Variants in LRP1B observed in about 807,000 individuals in gnomAD.
LRP1B encodes LDL receptor related protein 1B, also known as low-density lipoprotein receptor-related protein 1B.
A neutral mutation model predicts 556.6 loss-of-function variants in LRP1B; 217 were observed. The observed-to-expected ratio is 0.39, with a 90% CI of 0.35 to 0.44. The LOEUF (loss-of-function observed/expected upper bound fraction) is 0.44. LRP1B is among the 20% of genes least tolerant of loss of function. The pLI, the probability that LRP1B is intolerant of heterozygous loss-of-function variation, is 1.00. For synonymous variants in LRP1B, 2,047 were observed against 1,865.8 expected, an observed-to-expected ratio of 1.10 and a Z score of -2.50; for missense variants, 5,053 against 5,620.8, an observed-to-expected ratio of 0.90 and a Z score of 3.23.
chr2:142,083,426 A>G (rs1705794718), intron 1 of LRP1B, among the ~76,000 whole-genome samples: 1 of 152,196 alleles, frequency 6.6e-6, no homozygotes, highest in Non-Finnish European at 1.5e-5. Context: ...AATCAGAAAG[A>G]GGTATCTTCT....
intron 7 of LRP1B, among the ~76,000 whole-genome samples, chr2:141,173,487 C>A (rs1466836599): frequency 6.6e-6 from 1 of 152,090 alleles, no homozygotes; most frequent in Non-Finnish European, 1.5e-5. Context: ...ATTAATCCAA[C>A]CCATGCTACA....
Position 140,601,538 on chromosome 2 carries a change from T to C in LRP1B, c.6901A>G (p.Thr2301Ala). 2 of 1,613,224 alleles carry C rather than the reference T, an allele frequency of 1.2e-6. No homozygotes were observed. Among genetic ancestry groups the C allele is most frequent in the Non-Finnish European group, 1.7e-6 (2 of 1,179,486 alleles). The change falls in exon 42 of 91, where the codon ACT becomes GCT. Residue 2301 changes from threonine (T) to alanine (A), a missense_variant. Coordinates refer to ENST00000389484, the MANE Select transcript of LRP1B (RefSeq NM_018557.3). ...TCCCTGTCAAATGCTCCAGGCCGAG[T>C]CTGGTCCACAGTGTGTCTGGTGATG... is the stretch of plus-strand genomic sequence containing the variant. The part of the protein sequence containing the change: ...SSITRHTVDQ[T>A]RPGAFDREAV...
chr2:140,923,274 G>T (rs139184806), intron 20 of LRP1B, 127 bp from the exon 21 acceptor site: 205 of 634,726 alleles, frequency 3.2e-4, no homozygotes, highest in Non-Finnish European at 4.7e-4. Context: ...ATGCTAGAGA[G>T]AATACATTTT....
At chr2:140,314,673 T>G (rs1684443870) in intron 83 of LRP1B, among the ~76,000 whole-genome samples, 1 of 152,150 alleles carries the variant, frequency 6.6e-6, no homozygotes, top group Non-Finnish European at 1.5e-5. Flanking sequence ...CTAATCATTC[T>G]GAGCCAGGGG....
At chr2:140,604,230 A>C (rs1290742438) in intron 41 of LRP1B, among the ~76,000 whole-genome samples, 1 of 30,568 alleles carries the variant, frequency 3.3e-5, no homozygotes. Flanking sequence ...CTTGCCAAGA[A>C]AAAAAAAAAA....
At chr2:140,558,220 T>G (rs945018164) in intron 43 of LRP1B, among the ~76,000 whole-genome samples, 2 of 152,116 alleles carry the variant, frequency 1.3e-5, no homozygotes, top group African/African-American at 4.8e-5. Flanking sequence ...CCTCAAATGG[T>G]TAAACATAGT....
intron 2 of LRP1B, among the ~76,000 whole-genome samples, chr2:141,701,428 C>T (rs1229778822): frequency 1.3e-5 from 2 of 151,814 alleles, no homozygotes; most frequent in Non-Finnish European, 2.9e-5. Flanking sequence ...CATGCCACCC[C>T]TTCTAGGAAA....
At chr2:141,699,549 A>T (rs1272437684) in intron 2 of LRP1B, among the ~76,000 whole-genome samples, 1 of 151,532 alleles carries the variant, frequency 6.6e-6, no homozygotes, top group African/African-American at 2.4e-5. Context: ...TCTTACCCTC[A>T]ATACAAAGTG....
chr2:141,291,320 T>A (rs1466380258), intron 3 of LRP1B, among the ~76,000 whole-genome samples: 1 of 152,202 alleles, frequency 6.6e-6, no homozygotes, highest in Non-Finnish European at 1.5e-5. Context: ...TTTATCTTTA[T>A]AAAAATCCTT....
At chr2:140,523,170 T>C (rs1350561371) in intron 49 of LRP1B, among the ~76,000 whole-genome samples, 1 of 151,906 alleles carries the variant, frequency 6.6e-6, no homozygotes, top group Non-Finnish European at 1.5e-5. Flanking sequence ...CCAAATCCTG[T>C]GTCACATCAA....
intron 1 of LRP1B, among the ~76,000 whole-genome samples, chr2:142,032,488 G>A (rs1703743473): frequency 6.6e-6 from 1 of 151,636 alleles, no homozygotes; most frequent in Non-Finnish European, 1.5e-5. Context: ...CTCTTTCTTT[G>A]CACTTAAATC....
At chr2:141,155,399 T>G (rs1014772740) in intron 7 of LRP1B, among the ~76,000 whole-genome samples, 5 of 151,894 alleles carry the variant, frequency 3.3e-5, no homozygotes, top group Non-Finnish European at 1.5e-5. Flanking sequence ...GGTAAGTACA[T>G]GAAATATACT....
chr2:141,323,921 CCACA>C (rs57844457), intron 3 of LRP1B, among the ~76,000 whole-genome samples: 16 of 129,988 alleles, frequency 1.2e-4, no homozygotes, highest in African/African-American at 3.9e-4. Context: ...AACGAGGAAA[CCACA>C]CACACACACA....
At chr2:141,321,146 AG>A (rs1687222798) in intron 3 of LRP1B, among the ~76,000 whole-genome samples, 1 of 152,148 alleles carries the variant, frequency 6.6e-6, no homozygotes, top group African/African-American at 2.4e-5. Flanking sequence ...CTGAGAATAA[AG>A]GGCATAAAGA....
Position 141,152,660 on chromosome 2 carries a change from A to G in LRP1B, c.1013+35761T>C, listed in dbSNP as rs186103546. The stretch of plus-strand genomic sequence containing the variant: ...GTTTTATCAATTTCTTTGCTAAAGA[A>G]TAATATATGGTATTACACATAATAA... On this transcript the variant is annotated intron_variant, in intron 7 of 90. Coordinates refer to ENST00000389484, the MANE Select transcript of LRP1B (RefSeq NM_018557.3). Among the ~76,000 whole-genome samples the G allele has an allele frequency of 9.9e-5, 15 of 152,108 alleles. No individual in the cohort carries two copies. The East Asian group carries it at 2.3e-3, about 23-fold the overall frequency.
Position 140,620,850 on chromosome 2 carries a change from T to C in LRP1B, c.6800-19211A>G, listed in dbSNP as rs529391754. ...GTAAACCAGTTTTCTTTTGCAGATA[T>C]AACAATTATCCTGAACTCTAAAATT... On this transcript the variant is annotated intron_variant, in intron 41 of 90. Coordinates refer to ENST00000389484, the MANE Select transcript of LRP1B (RefSeq NM_018557.3). Among the ~76,000 whole-genome samples the C allele has an allele frequency of 9.9e-5, 15 of 152,248 alleles. No individual in the cohort carries two copies. The South Asian group carries it at 3.1e-3, about 32-fold the overall frequency.
Position 140,856,108 on chromosome 2 carries a change from C to T in LRP1B, c.4580-4325G>A, listed in dbSNP as rs1692610108. ...CCACCTCTCTTTCAAAAACACAAAT[C>T]TATCTTCCAAGCCTCATCTACCACT... is the stretch of plus-strand genomic sequence containing the variant. On this transcript the variant is annotated intron_variant, in intron 27 of 90. Transcript: ENST00000389484. 2.0e-5 allele frequency among the ~76,000 whole-genome samples: 3 copies of T among 152,162 alleles called. No homozygotes were observed. In the East Asian group the frequency reaches 5.8e-4, roughly 29 times the overall value.
At chr2:140,420,014 GA>G (rs76165653) in intron 66 of LRP1B, among the ~76,000 whole-genome samples, 2,441 of 86,462 alleles carry the variant, frequency 0.028, 38 homozygotes, top group African/African-American at 0.072. Flanking sequence ...TCATAAAAAA[GA>G]AAAAAAAAAA....
chr2:140,609,466 T>C (rs544842873), intron 41 of LRP1B, among the ~76,000 whole-genome samples: 2 of 152,190 alleles, frequency 1.3e-5, no homozygotes, highest in Non-Finnish European at 2.9e-5. Flanking sequence ...CTAAATTCCA[T>C]ACGTACGTCC....
Sources: allele counts gnomAD v4.1 joint callset (sites outside exome capture counted in the v4.1 genomes callset), GRCh38; gene constraint gnomAD v4.1.1; transcripts MANE v1.5; gene names NCBI Gene and HGNC (gene_info 2026-07-23, HGNC 2026-07-21).